The following SEH1L variants were observed in gnomAD, a reference collection of about 807,000 sequenced individuals.
SEH1L encodes SEH1 like nucleoporin.
A neutral mutation model predicts 49.5 loss-of-function variants in SEH1L; 18 were observed. The observed-to-expected ratio is 0.36, with a 90% CI of 0.25 to 0.54. The LOEUF is 0.54. SEH1L is among the 20% of genes least tolerant of loss of function. The probability of loss-of-function intolerance (pLI) is 0.87; values close to 1 mark genes in which losing one functional copy is unlikely to be tolerated. For missense variants in SEH1L, 404 were observed against 528.8 expected, an observed-to-expected ratio of 0.76 and a Z score of 2.31; for synonymous variants, 169 against 178.1, an observed-to-expected ratio of 0.95 and a Z score of 0.41.
chr18:12,955,708 TC>T (rs2030810946), intron 3 of SEH1L, 99 bp downstream of exon 3: 3 of 1,203,002 alleles, frequency 2.5e-6, no homozygotes, highest in Non-Finnish European at 3.6e-6. Flanking sequence ...ATATCACCAC[TC>T]CCCTCTAGTT....
At chr18:12,985,627 A>G in intron 8 of SEH1L, 1 of 1,006,818 alleles carries the variant, frequency 9.9e-7, no homozygotes, top group South Asian at 4.6e-5. Flanking sequence ...TTTGGAAAAT[A>G]TAGACATATT....
intron 6 of SEH1L, among the ~76,000 whole-genome samples, chr18:12,980,743 G>T (rs1431300171): frequency 1.1e-4 from 7 of 62,612 alleles, no homozygotes; most frequent in African/African-American, 1.4e-4. Flanking sequence ...CGGGCAGAGG[G>T]GCTCCTCACT....
Position 12,987,493 on chromosome 18 carries a change from T to C in SEH1L, c.*436T>C, listed in dbSNP as rs1214532534. ...ACAGGCTAATGTTGTAACTGACTAG[T>C]ATGTAAAATAAATCATTCCTGTGTA... On this transcript the variant is annotated 3_prime_UTR_variant, in exon 9 of 9. Transcript: ENST00000399892. 6.6e-6 allele frequency: 1 copy of C among 152,302 alleles called. No individual in the cohort carries two copies. The highest frequency in any genetic ancestry group is 2.1e-4 in the South Asian group (1 of 4,830). The allele number at this position is 152,302 out of a possible 1,614,324, so 9.4% of individuals were successfully genotyped here.
chr18:12,968,011 A>C (rs1453609295), intron 4 of SEH1L, among the ~76,000 whole-genome samples: 1 of 152,108 alleles, frequency 6.6e-6, no homozygotes, highest in African/African-American at 2.4e-5. Flanking sequence ...CAGAATCTCT[A>C]AATAGTGAGG....
chr18:12,955,627 A>G lies in SEH1L; in HGVS notation c.309+18A>G. 1 of 1,612,552 alleles carries G rather than the reference A, an allele frequency of 6.2e-7. No individual in the cohort carries two copies. The highest frequency in any genetic ancestry group is 8.5e-7 in the Non-Finnish European group (1 of 1,178,784). ...GCCACTGGGTGAGACATTTATTAGT[A>G]TTCTGGGGACCGGGAAGACATGAGC... On this transcript the variant is annotated intron_variant, in intron 3 of 8. Coordinates refer to ENST00000399892, the MANE Select transcript of SEH1L (RefSeq NM_001013437.2).
chr18:12,982,592 C>T lies in SEH1L; in HGVS notation c.836C>T (p.Ser279Phe). Residue 279 changes from serine (S) to phenylalanine (F), a missense_variant, in exon 7 of 9, where the codon TCT becomes TTT. Physicochemically the swap from Ser to Phe is radical, Grantham distance 155. This residue lies in a region of SEH1L where 342 missense variants were observed against 430.8 expected (regional missense o/e 0.79). Transcript: ENST00000399892. ...GTGGCTCAGTTCGATAATCATAATT[C>T]TCAGGTCTGGCGAGTGAGTTGGAAT... ...HIVAQFDNHN[S>F]QVWRVSWNIT... is the part of the protein sequence containing the mutation. The T allele has an allele frequency of 6.2e-7, 1 of 1,613,684 alleles. No homozygotes were observed. Among genetic ancestry groups the T allele is most frequent in the Non-Finnish European group, 8.5e-7 (1 of 1,179,686 alleles).
At chr18:12,985,001 A>G (rs2145673661) in intron 8 of SEH1L, 2 of 390,316 alleles carry the variant, frequency 5.1e-6, no homozygotes, top group Non-Finnish European at 9.0e-6. Flanking sequence ...TTTTAAGTAC[A>G]TGCATCAAAA....
At chr18:12,970,974 C>T (rs2031674995) in intron 4 of SEH1L, among the ~76,000 whole-genome samples, 179 bp from the exon 5 acceptor site, 1 of 152,156 alleles carries the variant, frequency 6.6e-6, no homozygotes, top group African/African-American at 2.4e-5. Context: ...CCATGTGTGA[C>T]ATTCTCAGGT....
intron 3 of SEH1L, among the ~76,000 whole-genome samples, chr18:12,962,579 C>T (rs1039854485): frequency 1.3e-5 from 2 of 149,582 alleles, no homozygotes; most frequent in African/African-American, 2.5e-5. Flanking sequence ...GCGATCCACC[C>T]GCCTCAGCCT....
In SEH1L at chr18:12,951,079, C is replaced by A. The variant is rs1240856366; in HGVS notation, c.112-776C>A. 4.6e-5 allele frequency among the ~76,000 whole-genome samples: 7 copies of A among 152,148 alleles called. No individual in the cohort carries two copies. In the East Asian group the frequency reaches 1.3e-3, roughly 29 times the overall value. On this transcript the variant is annotated intron_variant, in intron 1 of 8. Transcript: ENST00000399892. ...TTGAATTTGTCTACTCTGAAATTTA[C>A]TTGTACCCCAAAAGTCACACTGGTT...
chr18:12,948,227 G>C lies in SEH1L; in HGVS notation c.106G>C (p.Val36Leu). The change falls in exon 1 of 9, where the codon GTT becomes CTT. Residue 36 changes from valine (V) to leucine (L), a missense_variant. Transcript: ENST00000399892. ...RMATCSSDQSVKVWDKSESGD... is the reference protein window; with the variant it reads ...RMATCSSDQSLKVWDKSESGD... ...GGCAACCTGCTCCAGCGATCAGAGC[G>C]TTAAGGTGCGCGCGGCGCTTGCGGG... 1 of 1,611,214 alleles carries C rather than the reference G, an allele frequency of 6.2e-7. No homozygotes were observed. The highest frequency in any genetic ancestry group is 1.1e-5 in the South Asian group (1 of 90,988).
chr18:12,978,614 G>A (rs1209905440), intron 5 of SEH1L, 138 bp from the exon 6 acceptor site: 1 of 625,434 alleles, frequency 1.6e-6, no homozygotes, highest in African/African-American at 1.8e-5. Flanking sequence ...ATATTCTTTT[G>A]GGGGCTGCTG....
chr18:12,964,513 T>C (rs572669327), intron 4 of SEH1L: 74 of 152,222 alleles, frequency 4.9e-4, no homozygotes, highest in African/African-American at 1.7e-3. Flanking sequence ...TAGATAGATA[T>C]CTTATTTGTG....
At chr18:12,980,536 T>C (rs1598978376) in intron 6 of SEH1L, among the ~76,000 whole-genome samples, 1 of 78,606 alleles carries the variant, frequency 1.3e-5, no homozygotes, top group Non-Finnish European at 2.5e-5. Context: ...CCCACCTCCC[T>C]CCCGGACGGG....
In SEH1L at chr18:12,987,108, C is replaced by A; in HGVS notation, c.*51C>A. ...TTATTCAAGTGCTTGTAAATGCTTT[C>A]ATTTCTGGCTGCTTTTTGTTTTTCA... On this transcript the variant is annotated 3_prime_UTR_variant, in exon 9 of 9. Coordinates refer to ENST00000399892, the MANE Select transcript of SEH1L (RefSeq NM_001013437.2). The A allele has an allele frequency of 7.8e-7, 1 of 1,286,926 alleles. No homozygotes were observed. Among genetic ancestry groups the A allele is most frequent in the Non-Finnish European group, 1.1e-6 (1 of 934,272 alleles). The allele number at this position is 1,286,926 out of a possible 1,614,324, so 79.7% of individuals were successfully genotyped here.
At chr18:12,985,297 A>G in intron 8 of SEH1L, 2 of 1,600,344 alleles carry the variant, frequency 1.2e-6, no homozygotes, top group Non-Finnish European at 1.7e-6. Flanking sequence ...TGCTTGTTGC[A>G]TGCACACAGG....
chr18:12,977,969 T>C (rs1485887454), intron 5 of SEH1L: 1 of 152,134 alleles, frequency 6.6e-6, no homozygotes, highest in Non-Finnish European at 1.5e-5. Context: ...GCTGGGACAA[T>C]GGGTGTGCAC....
At chr18:12,949,295 G>A (rs9964794) in intron 1 of SEH1L, among the ~76,000 whole-genome samples, 19,144 of 152,050 alleles carry the variant, frequency 0.13, 3,552 homozygotes, top group African/African-American at 0.41. Flanking sequence ...CTGGAAATCT[G>A]AAGGATAGTT....
In SEH1L at chr18:12,948,070, CGCCGCT is replaced by C. The variant is rs1002108473; in HGVS notation, c.-46_-41del. 1 of 1,438,678 alleles carries C rather than the reference CGCCGCT, an allele frequency of 7.0e-7. No individual in the cohort carries two copies. Among genetic ancestry groups the C allele is most frequent in the African/African-American group, 1.4e-5 (1 of 69,958 alleles). The allele number at this position is 1,438,678 out of a possible 1,614,324, so 89.1% of individuals were successfully genotyped here. ...GGCTAGGCTACGGGCCACGCGCCGC[CGCCGCT>C]GCCGCCGCCACTGTCCTCTTCGGAG... On this transcript the variant is annotated 5_prime_UTR_variant, in exon 1 of 9. Coordinates refer to ENST00000399892, the MANE Select transcript of SEH1L (RefSeq NM_001013437.2).
Sources: gnomAD v4.1 joint callset for allele counts (sites outside exome capture counted in the v4.1 genomes callset) on GRCh38, gnomAD v4.1.1 for gene constraint, gnomAD v4.1.1 regional missense constraint, MANE v1.5 for transcripts, NCBI Gene and HGNC (gene_info 2026-07-23, HGNC 2026-07-21) for gene names.